Variants in ZFHX3 observed in about 807,000 individuals in gnomAD.
ZFHX3 encodes zinc finger homeobox 3.
In ZFHX3, 42 loss-of-function variants were observed where a neutral mutation model predicts 279.1. The ratio of observed to expected loss-of-function variants is 0.15; its 90% CI spans 0.12 to 0.19. The LOEUF is 0.19. ZFHX3 is among the 10% of genes least tolerant of loss of function. ZFHX3 has a pLI of 1.00. For synonymous variants in ZFHX3, 2,293 were observed against 1,957.8 expected (o/e 1.17, Z -4.52); for missense variants, 4,981 against 4,754.0 (o/e 1.05, Z -1.40).
chr16:73,533,799 C>G (rs1002211867), intron 2 of ZFHX3, among the ~76,000 whole-genome samples: 3 of 152,150 alleles, frequency 2.0e-5, no homozygotes, highest in Non-Finnish European at 4.4e-5. Context: ...TCTTTTACAG[C>G]CTTCTTCTAA....
chr16:73,348,500 G>C (rs936504652), intron 3 of ZFHX3, among the ~76,000 whole-genome samples: 5 of 152,102 alleles, frequency 3.3e-5, no homozygotes, highest in Non-Finnish European at 7.4e-5. Context: ...TTCACTCTCT[G>C]TCACCTTCCA....
At chr16:73,507,403 C>T (rs1331426519) in intron 2 of ZFHX3, among the ~76,000 whole-genome samples, 1 of 150,448 alleles carries the variant, frequency 6.6e-6, no homozygotes, top group Non-Finnish European at 1.5e-5. Flanking sequence ...AAACCAGGTA[C>T]TTTGTGTCCC....
intron 3 of ZFHX3, among the ~76,000 whole-genome samples, chr16:73,366,159 T>C (rs2016525027): frequency 6.6e-6 from 1 of 152,038 alleles, no homozygotes. Flanking sequence ...GCAGCTTGAG[T>C]AGGGAATGGG....
At chr16:72,893,508 G>A (rs144093099) in intron 3 of ZFHX3, among the ~76,000 whole-genome samples, 303 of 152,256 alleles carry the variant, frequency 2.0e-3, no homozygotes, top group Middle Eastern at 0.01. Flanking sequence ...ATAAACCCTG[G>A]ATTGAAATAA....
At chr16:72,900,254 G>A (rs975895294) in intron 3 of ZFHX3, among the ~76,000 whole-genome samples, 1 of 152,158 alleles carries the variant, frequency 6.6e-6, no homozygotes, top group African/African-American at 2.4e-5. Flanking sequence ...CCTGGGTGAG[G>A]AGCAGGGAAG....
chr16:73,269,120 G>A (rs2014070091), intron 4 of ZFHX3, among the ~76,000 whole-genome samples: 1 of 152,128 alleles, frequency 6.6e-6, no homozygotes, highest in South Asian at 2.1e-4. Flanking sequence ...TCCTAATTTG[G>A]TATTGATCAT....
At position 73,717,835 on chromosome 16, in the gene ZFHX3, A is replaced by T. The variant is rs114206929; in HGVS notation, c.-1607-37595T>A. Among the ~76,000 whole-genome samples, 885 of 152,284 alleles carry T rather than the reference A, an allele frequency of 5.8e-3. 10 individuals carry two copies. Among genetic ancestry groups the T allele is most frequent in the African/African-American group, 0.02 (852 of 41,578 alleles). ...ACGAGACATTGTTCCAGAGGCGGAC[A>T]TTGTGCAGTTCCAGAACTGCACAAT... is the stretch of plus-strand genomic sequence containing the variant. On this transcript the variant is annotated intron_variant, in intron 1 of 17. Transcript: ENST00000641206.
At chr16:73,342,099 G>GA (rs34495327) in intron 3 of ZFHX3, among the ~76,000 whole-genome samples, 20,240 of 152,062 alleles carry the variant, frequency 0.13, 2,807 homozygotes, top group East Asian at 0.37. Context: ...AGTGGTTTTT[G>GA]AAAAACTACC....
chr16:72,888,016 A>G (rs554042691), intron 4 of ZFHX3, among the ~76,000 whole-genome samples: 1 of 152,234 alleles, frequency 6.6e-6, no homozygotes. Flanking sequence ...TCATCTGCCC[A>G]GGTAGAAAGC....
chr16:72,842,866 A>G (rs1284387665), intron 4 of ZFHX3, among the ~76,000 whole-genome samples: 1 of 152,228 alleles, frequency 6.6e-6, no homozygotes, highest in Non-Finnish European at 1.5e-5. Context: ...AACAGCCTTG[A>G]AGACAGGTAA....
chr16:73,331,362 A>T (rs2015800681), intron 3 of ZFHX3, among the ~76,000 whole-genome samples: 1 of 152,226 alleles, frequency 6.6e-6, no homozygotes, highest in South Asian at 2.1e-4. Flanking sequence ...TATCAGCAGC[A>T]TTTGTAGAAA....
At position 72,785,277 on chromosome 16, in the gene ZFHX3, A is replaced by G. The variant is rs1346258951; in HGVS notation, c.*1887T>C. ...AGGGTGTGTGTTAACAGGAATATGG[A>G]TATTAACAGAAACAAGTGCCTCACA... is the stretch of plus-strand genomic sequence containing the variant. On this transcript the variant is annotated 3_prime_UTR_variant, in exon 10 of 10. Coordinates refer to ENST00000268489, the MANE Select transcript of ZFHX3 (RefSeq NM_006885.4). The G allele has an allele frequency of 2.0e-5, 3 of 152,640 alleles. No individual in the cohort carries two copies. The highest frequency in any genetic ancestry group is 7.2e-5 in the African/African-American group (3 of 41,458). The allele number at this position is 152,640 out of a possible 1,614,324, so 9.5% of individuals were successfully genotyped here.
Position 72,811,734 on chromosome 16 carries a change from T to C in ZFHX3, c.3707A>G (p.Asn1236Ser), listed in dbSNP as rs143318241. The change falls in exon 7 of 10, where the codon AAC becomes AGC. Residue 1236 changes from asparagine (N) to serine (S), a missense_variant. Transcript: ENST00000268489. ...PYCKYSNADV[N>S]RLRVHAMTQH... The stretch of plus-strand genomic sequence containing the variant: ...CGTCATGGCATGCACCCGGAGCCGG[T>C]TGACATCGGCATTACTGTACTTGCA... 1.8e-5 allele frequency: 29 copies of C among 1,613,966 alleles called. No homozygotes were observed. The highest frequency in any genetic ancestry group is 9.9e-5 in the South Asian group (9 of 91,080).
At chr16:72,888,531 G>A (rs2038687272) in intron 4 of ZFHX3, among the ~76,000 whole-genome samples, 1 of 152,178 alleles carries the variant, frequency 6.6e-6, no homozygotes, top group Non-Finnish European at 1.5e-5. Context: ...CGAGGACCAG[G>A]CCACAGTGCC....
In ZFHX3 at chr16:73,359,908, T is replaced by C. The variant is rs2016408026; in HGVS notation, c.-1290-41572A>G. On this transcript the variant is annotated intron_variant, in intron 3 of 17. Coordinates refer to the ZFHX3 transcript ENST00000641206. ...GGGGTGGTTCATGTTAGATGGGATTTTTTTTTTAAATGATCAAATAACTAT... is the reference window on the plus strand; with the variant it reads ...GGGGTGGTTCATGTTAGATGGGATTCTTTTTTTAAATGATCAAATAACTAT... 3.9e-5 allele frequency among the ~76,000 whole-genome samples: 6 copies of C among 152,096 alleles called. No homozygotes were observed. In the South Asian group the frequency reaches 1.2e-3, roughly 32 times the overall value.
At chr16:73,776,182 C>G (rs575508326) in intron 1 of ZFHX3, among the ~76,000 whole-genome samples, 1 of 152,134 alleles carries the variant, frequency 6.6e-6, no homozygotes, top group Non-Finnish European at 1.5e-5. Context: ...GCTTCCTCCA[C>G]GTCCTCCTGG....
chr16:73,479,162 T>G (rs1255427423), intron 2 of ZFHX3, among the ~76,000 whole-genome samples: 1 of 152,096 alleles, frequency 6.6e-6, no homozygotes, highest in Non-Finnish European at 1.5e-5. Context: ...ACCAATGACA[T>G]GAGCTTGAAG....
intron 3 of ZFHX3, among the ~76,000 whole-genome samples, chr16:73,412,762 C>T (rs1382442478): frequency 2.0e-5 from 3 of 152,326 alleles, no homozygotes; most frequent in Non-Finnish European, 2.9e-5. Flanking sequence ...ACCCAGGTTC[C>T]GAACAACAGA....
At chr16:73,725,404 G>C (rs906773431) in intron 1 of ZFHX3, among the ~76,000 whole-genome samples, 1 of 152,166 alleles carries the variant, frequency 6.6e-6, no homozygotes, top group Admixed American at 6.5e-5. Context: ...GCCAAAGGAA[G>C]AGCAGGAAGA....
Sources: allele counts gnomAD v4.1 joint callset (sites outside exome capture counted in the v4.1 genomes callset), GRCh38; gene constraint gnomAD v4.1.1; transcripts MANE v1.5; gene names NCBI Gene and HGNC (gene_info 2026-07-23, HGNC 2026-07-21).